The following DCDC1 variants were observed in gnomAD, a reference collection of about 807,000 sequenced individuals.
The protein encoded by DCDC1 is doublecortin domain-containing protein 1.
DCDC1 carries 200 observed loss-of-function variants against 178.3 expected under a neutral mutation model. The ratio of observed to expected loss-of-function variants is 1.12; its 90% CI spans 1.00 to 1.26. The LOEUF (loss-of-function observed/expected upper bound fraction) is 1.26, where lower values mean the gene tolerates loss of function less well. Among genes scored for constraint, DCDC1 ranks in the 50% most tolerant of loss-of-function variants. The pLI is 0.00. For synonymous variants in DCDC1, 690 were observed against 604.8 expected, an observed-to-expected ratio of 1.14 and a Z score of -2.07; for missense variants, 1,983 against 1,749.2, an observed-to-expected ratio of 1.13 and a Z score of -2.38.
intron 20 of DCDC1, among the ~76,000 whole-genome samples, chr11:30,973,733 G>T (rs1263122033): frequency 1.3e-5 from 2 of 152,160 alleles, no homozygotes; most frequent in Non-Finnish European, 2.9e-5. Context: ...CAACACGGGT[G>T]CATGAACCAA....
At chr11:30,874,291 T>C (rs1363868313) in intron 38 of DCDC1, among the ~76,000 whole-genome samples, 1 of 152,190 alleles carries the variant, frequency 6.6e-6, no homozygotes, top group Non-Finnish European at 1.5e-5. Flanking sequence ...ATAGAGATTA[T>C]GACCAGTGCT....
chr11:31,228,409 A>C (rs1424216488), intron 9 of DCDC1, among the ~76,000 whole-genome samples: 1 of 152,134 alleles, frequency 6.6e-6, no homozygotes, highest in Admixed American at 6.6e-5. Flanking sequence ...GGCATAGCAA[A>C]AGCAGGGCTT....
At chr11:31,266,646 A>G (rs1945185905) in intron 7 of DCDC1, among the ~76,000 whole-genome samples, 1 of 152,218 alleles carries the variant, frequency 6.6e-6, no homozygotes, top group African/African-American at 2.4e-5. Context: ...GATTATAGTA[A>G]ACAGAACATC....
intron 24 of DCDC1, among the ~76,000 whole-genome samples, chr11:30,922,163 T>A (rs952342315): frequency 1.3e-5 from 2 of 152,186 alleles, no homozygotes; most frequent in African/African-American, 4.8e-5. Flanking sequence ...AACGTGAGAT[T>A]CTGGAGATAG....
At chr11:31,262,253 C>A (rs767958550) in intron 8 of DCDC1, among the ~76,000 whole-genome samples, 3 of 141,180 alleles carry the variant, frequency 2.1e-5, no homozygotes, top group Non-Finnish European at 4.5e-5. Flanking sequence ...GGCAACAGAG[C>A]AAGACCTTGT....
chr11:30,876,300 G>A (rs1343647039), intron 38 of DCDC1, among the ~76,000 whole-genome samples: 1 of 152,192 alleles, frequency 6.6e-6, no homozygotes, highest in African/African-American at 2.4e-5. Context: ...CTAGATGGCT[G>A]AACAGATTTG....
chr11:31,220,726 A>G (rs1974171328), intron 9 of DCDC1, among the ~76,000 whole-genome samples: 1 of 152,228 alleles, frequency 6.6e-6, no homozygotes, highest in African/African-American at 2.4e-5. Context: ...AGAAGACTCT[A>G]TTAGTCAGCT....
intron 7 of DCDC1, among the ~76,000 whole-genome samples, chr11:31,283,265 C>T (rs1946577118): frequency 6.6e-6 from 1 of 152,114 alleles, no homozygotes; most frequent in African/African-American, 2.4e-5. Context: ...TCAGCCTTTT[C>T]CTTCTGCTTC....
chr11:31,216,706 C>A (rs958676413), intron 9 of DCDC1, among the ~76,000 whole-genome samples: 1 of 152,110 alleles, frequency 6.6e-6, no homozygotes, highest in African/African-American at 2.4e-5. Context: ...ATAGATAAGC[C>A]CAGACAGTAC....
chr11:31,356,118 A>T (rs1296787400), intron 1 of DCDC1, among the ~76,000 whole-genome samples: 2 of 152,232 alleles, frequency 1.3e-5, no homozygotes, highest in African/African-American at 4.8e-5. Flanking sequence ...CAGTATAAAA[A>T]AGCTATGCCA....
chr11:31,037,240 A>C (rs982743757), intron 20 of DCDC1, among the ~76,000 whole-genome samples: 11 of 152,112 alleles, frequency 7.2e-5, no homozygotes, highest in Non-Finnish European at 1.6e-4. Context: ...CCATATTGAA[A>C]AGGCATAAAA....
chr11:31,303,861 C>T (rs1219106131), intron 6 of DCDC1, among the ~76,000 whole-genome samples: 1 of 152,148 alleles, frequency 6.6e-6, no homozygotes, highest in African/African-American at 2.4e-5. Context: ...CCAGCAACAA[C>T]TGTCGAGCAG....
chr11:31,223,236 T>G (rs949132417), intron 9 of DCDC1, among the ~76,000 whole-genome samples: 9 of 152,196 alleles, frequency 5.9e-5, no homozygotes, highest in African/African-American at 2.2e-4. Flanking sequence ...GGTTATTATG[T>G]ACAATAGCAC....
At chr11:31,170,922 G>C (rs1282608617) in intron 9 of DCDC1, among the ~76,000 whole-genome samples, 1 of 151,910 alleles carries the variant, frequency 6.6e-6, no homozygotes, top group Non-Finnish European at 1.5e-5. Flanking sequence ...CTTGCCTCCC[G>C]GGTTCAAATG....
intron 9 of DCDC1, among the ~76,000 whole-genome samples, chr11:31,238,282 G>A (rs1373913639): frequency 2.6e-5 from 4 of 152,108 alleles, no homozygotes; most frequent in Admixed American, 2.0e-4. Context: ...CTCCATGCAC[G>A]TTTATGCATC....
intron 20 of DCDC1, among the ~76,000 whole-genome samples, chr11:30,973,857 T>G (rs186936497): frequency 9.2e-4 from 140 of 152,230 alleles, no homozygotes; most frequent in African/African-American, 3.2e-3. Context: ...GAAAGAAACA[T>G]TGGATTTAAA....
chr11:31,309,152 G>GTGTA (rs1025477511), intron 3 of DCDC1, among the ~76,000 whole-genome samples: 4 of 151,946 alleles, frequency 2.6e-5, no homozygotes, highest in African/African-American at 7.2e-5. Context: ...TTGTGTGTGT[G>GTGTA]TGTGTGTGTG....
At chr11:31,158,277 T>A (rs1965945520) in intron 9 of DCDC1, among the ~76,000 whole-genome samples, 1 of 151,638 alleles carries the variant, frequency 6.6e-6, no homozygotes. Context: ...CCCGGCTAAT[T>A]TTTTGCATTT....
At chr11:31,187,160 T>A (rs1378528263) in intron 9 of DCDC1, among the ~76,000 whole-genome samples, 1 of 152,228 alleles carries the variant, frequency 6.6e-6, no homozygotes, top group Non-Finnish European at 1.5e-5. Context: ...TTATTTGTCT[T>A]GTTCACTAGG....
Sources: allele counts gnomAD v4.1 joint callset (sites outside exome capture counted in the v4.1 genomes callset), GRCh38; gene constraint gnomAD v4.1.1; transcripts MANE v1.5; gene names NCBI Gene and HGNC (gene_info 2026-07-23, HGNC 2026-07-21).